Variants in TMEM108 observed in about 807,000 individuals in gnomAD.
TMEM108 encodes transmembrane protein 108.
A neutral mutation model predicts 35.1 loss-of-function variants in TMEM108; 12 were observed. That is an observed-to-expected ratio of 0.34 (90% CI 0.22 to 0.55). The LOEUF (loss-of-function observed/expected upper bound fraction) is 0.55, where lower values mean the gene tolerates loss of function less well. Ranked by LOEUF, TMEM108 falls within the 20% of genes least tolerant of loss-of-function variation. The probability of loss-of-function intolerance (pLI) is 0.89; values close to 1 mark genes in which losing one functional copy is unlikely to be tolerated. For synonymous variants in TMEM108, 287 were observed against 308.6 expected, an observed-to-expected ratio of 0.93 and a Z score of 0.73; for missense variants, 680 against 753.3, an observed-to-expected ratio of 0.90 and a Z score of 1.14.
chr3:133,354,905 G>A (rs1456637827), intron 3 of TMEM108, among the ~76,000 whole-genome samples: 1 of 150,746 alleles, frequency 6.6e-6, no homozygotes, highest in Non-Finnish European at 1.5e-5. Context: ...ACTAGCTGTA[G>A]TTCACTTCTG....
intron 3 of TMEM108, among the ~76,000 whole-genome samples, chr3:133,329,528 G>A (rs185877597): frequency 5.1e-4 from 78 of 152,242 alleles, no homozygotes; most frequent in Middle Eastern, 6.8e-3. Flanking sequence ...TCCTGGGAGT[G>A]GAAGAAACCC....
chr3:133,396,729 C>T lies in TMEM108; in HGVS notation c.*743C>T, dbSNP rs2073311354. On this transcript the variant is annotated 3_prime_UTR_variant, in exon 6 of 6. Coordinates refer to ENST00000321871, the MANE Select transcript of TMEM108 (RefSeq NM_023943.4). ...ATTCCTGTATCCCCTCCAACACCCA[C>T]ATCTGCATTAAACACCCGTGCCTTT... is the stretch of plus-strand genomic sequence containing the variant. 6.6e-6 allele frequency: 1 copy of T among 152,220 alleles called. No homozygotes were observed. Among genetic ancestry groups the T allele is most frequent in the Non-Finnish European group, 1.5e-5 (1 of 68,038 alleles). 9.4% of individuals were successfully genotyped at this position (152,220 alleles called of 1,614,324 possible). A position where few individuals can be genotyped will look rare whatever the true frequency, so the allele number is the denominator to read the frequency against.
intron 3 of TMEM108, among the ~76,000 whole-genome samples, chr3:133,255,815 C>G (rs774117693): frequency 3.9e-5 from 6 of 152,052 alleles, no homozygotes; most frequent in Non-Finnish European, 8.8e-5. Context: ...ATGGTAAAAC[C>G]CCATCTCTAC....
At chr3:133,321,090 G>C (rs1223536735) in intron 3 of TMEM108, among the ~76,000 whole-genome samples, 1 of 151,868 alleles carries the variant, frequency 6.6e-6, no homozygotes, top group Admixed American at 6.6e-5. Flanking sequence ...ATCTCACAGG[G>C]CCCATAAAAC....
intron 4 of TMEM108, chr3:133,387,550 C>T (rs530461482): frequency 2.9e-5 from 29 of 985,136 alleles, no homozygotes; most frequent in Admixed American, 6.1e-5. Flanking sequence ...GACTCGGGGG[C>T]GGAGGACTTG....
chr3:133,197,973 C>G (rs1322586629), intron 2 of TMEM108, among the ~76,000 whole-genome samples: 4 of 152,188 alleles, frequency 2.6e-5, no homozygotes, highest in Non-Finnish European at 4.4e-5. Flanking sequence ...TTCTCCTTCT[C>G]TTTCATCTTT....
At chr3:133,125,682 T>G (rs1300202539) in intron 2 of TMEM108, among the ~76,000 whole-genome samples, 1 of 152,216 alleles carries the variant, frequency 6.6e-6, no homozygotes. Context: ...AACCTTTCTT[T>G]AACGGATAAA....
chr3:133,268,478 T>C (rs982443013), intron 3 of TMEM108, among the ~76,000 whole-genome samples: 1 of 152,090 alleles, frequency 6.6e-6, no homozygotes, highest in African/African-American at 2.4e-5. Context: ...TAGAAATAAT[T>C]AGGAACACAG....
At chr3:133,055,287 A>G (rs954336473) in intron 2 of TMEM108, among the ~76,000 whole-genome samples, 1 of 152,362 alleles carries the variant, frequency 6.6e-6, no homozygotes, top group South Asian at 2.1e-4. Context: ...ATCTTACAGT[A>G]TAAGTGAAAG....
chr3:133,274,303 T>C (rs368979309), intron 3 of TMEM108, among the ~76,000 whole-genome samples: 3 of 152,360 alleles, frequency 2.0e-5, no homozygotes. Flanking sequence ...TAGAGAATCC[T>C]GTTAGGACAG....
At chr3:133,264,572 C>T (rs779725822) in intron 3 of TMEM108, among the ~76,000 whole-genome samples, 7 of 152,238 alleles carry the variant, frequency 4.6e-5, no homozygotes, top group South Asian at 2.1e-4. Flanking sequence ...TGCAAGTTGT[C>T]ATTATATTGT....
At chr3:133,303,429 C>A (rs1175170260) in intron 3 of TMEM108, 1 of 152,120 alleles carries the variant, frequency 6.6e-6, no homozygotes, top group African/African-American at 2.4e-5. Flanking sequence ...TTTCCATAAA[C>A]AATTCTTTTC....
In TMEM108 at chr3:133,380,344, G is replaced by GT; in HGVS notation, c.633_634insT (p.Pro212SerfsTer113). The GT allele has an allele frequency of 6.2e-7, 1 of 1,614,096 alleles. No individual in the cohort carries two copies. The highest frequency in any genetic ancestry group is 8.5e-7 in the Non-Finnish European group (1 of 1,179,994). On this transcript the variant is annotated frameshift_variant, in exon 4 of 6. Coordinates refer to ENST00000321871, the MANE Select transcript of TMEM108 (RefSeq NM_023943.4). LOFTEE classifies it high-confidence loss of function. The surrounding 1 kb of genome is among the most constrained non-coding windows in gnomAD (Gnocchi z 5.3). Reference sequence around the variant, plus strand: ...GCTCCACACCTCTGGGGCAGAAGCGGCCCCTGGGGAAAATCTTTCAGATCT... The same window carrying GT: ...GCTCCACACCTCTGGGGCAGAAGCGGTCCCCTGGGGAAAATCTTTCAGATCT...
At chr3:133,201,453 C>T (rs1416371091) in intron 2 of TMEM108, among the ~76,000 whole-genome samples, 1 of 151,962 alleles carries the variant, frequency 6.6e-6, no homozygotes, top group Non-Finnish European at 1.5e-5. Context: ...CCCTAGCCCC[C>T]CACCACCTCC....
intron 3 of TMEM108, among the ~76,000 whole-genome samples, chr3:133,350,875 G>A (rs1444962530): frequency 6.6e-6 from 1 of 152,064 alleles, no homozygotes; most frequent in Non-Finnish European, 1.5e-5. Context: ...TTCCTAGCTT[G>A]CTGGCAAAGT....
intron 2 of TMEM108, among the ~76,000 whole-genome samples, chr3:133,063,917 G>A (rs753007638): frequency 2.0e-5 from 3 of 152,164 alleles, no homozygotes; most frequent in Non-Finnish European, 4.4e-5. Flanking sequence ...ACATTCTCAT[G>A]TTTTATTCAA....
intron 3 of TMEM108, among the ~76,000 whole-genome samples, chr3:133,333,707 TA>T (rs1316911881): frequency 1.3e-5 from 2 of 152,214 alleles, no homozygotes; most frequent in Non-Finnish European, 2.9e-5. Context: ...AAGAAAGTTT[TA>T]AACATAAAAG....
chr3:133,339,990 C>CA (rs1320077882), intron 3 of TMEM108, among the ~76,000 whole-genome samples: 3 of 150,744 alleles, frequency 2.0e-5, no homozygotes, highest in Admixed American at 6.6e-5. Context: ...GTGCCTATAT[C>CA]AAAAAAGAAG....
Position 133,380,418 on chromosome 3 carries a change from C to A in TMEM108, c.707C>A (p.Thr236Asn), listed in dbSNP as rs1245864683. ...GTGGAACCGGAGCCCTCTACCCTCA[C>A]CCCCAGGACCCCACTCTGGGGCTAC... is the stretch of plus-strand genomic sequence containing the variant. The part of the protein sequence containing the change: ...GSVEPEPSTL[T>N]PRTPLWGYSS... The change falls in exon 4 of 6, where the codon ACC becomes AAC. Residue 236 changes from threonine (T) to asparagine (N), a missense_variant. Around this residue, in one of 3 missense-constraint regions of TMEM108, gnomAD observed 526 missense variants for 532.1 expected, o/e 0.99. Coordinates refer to ENST00000321871, the MANE Select transcript of TMEM108 (RefSeq NM_023943.4). This position sits in a 1 kb window ranked among gnomAD's most constrained non-coding sequence, Gnocchi z 5.3. 2.9e-5 allele frequency: 46 copies of A among 1,613,248 alleles called. No individual in the cohort carries two copies. The highest frequency in any genetic ancestry group is 3.7e-5 in the Non-Finnish European group (44 of 1,179,496).
Sources: gnomAD v4.1 joint callset for allele counts (sites outside exome capture counted in the v4.1 genomes callset) on GRCh38, gnomAD v4.1.1 for gene constraint, gnomAD v4.1.1 regional missense constraint, Gnocchi (gnomAD v3.1) non-coding constraint, MANE v1.5 for transcripts, NCBI Gene and HGNC (gene_info 2026-07-23, HGNC 2026-07-21) for gene names.